The following SUCLG2 variants were observed in gnomAD, a reference collection of about 807,000 sequenced individuals.
SUCLG2 encodes succinate--CoA ligase [GDP-forming] subunit beta, mitochondrial.
In SUCLG2, 42 loss-of-function variants were observed where a neutral mutation model predicts 47.9. The observed-to-expected ratio is 0.88, with a 90% CI of 0.69 to 1.14. The LOEUF (loss-of-function observed/expected upper bound fraction) is 1.14. Among genes scored for constraint, SUCLG2 ranks in the 50% most tolerant of loss-of-function variants. The pLI is 0.00. For synonymous variants in SUCLG2, 195 were observed against 197.3 expected, an observed-to-expected ratio of 0.99 and a Z score of 0.10; for missense variants, 571 against 525.9, an observed-to-expected ratio of 1.09 and a Z score of -0.84.
At chr3:67,474,765 A>T (rs1704702210) in intron 9 of SUCLG2, among the ~76,000 whole-genome samples, 1 of 152,196 alleles carries the variant, frequency 6.6e-6, no homozygotes, top group South Asian at 2.1e-4. Flanking sequence ...ACACATGTCC[A>T]GGGCATTCAC....
At chr3:67,448,462 T>C (rs1703978393) in intron 9 of SUCLG2, among the ~76,000 whole-genome samples, 1 of 152,154 alleles carries the variant, frequency 6.6e-6, no homozygotes, top group African/African-American at 2.4e-5. Flanking sequence ...CTCAGCTCAC[T>C]GCAACCTCTG....
intron 7 of SUCLG2, among the ~76,000 whole-genome samples, chr3:67,506,084 A>G (rs138772422): frequency 2.6e-5 from 4 of 152,334 alleles, no homozygotes; most frequent in African/African-American, 9.6e-5. Context: ...CAAAGTTTCA[A>G]TGTGGAAATT....
At position 67,562,241 on chromosome 3, in the gene SUCLG2, T is replaced by C. The variant is rs144808001; in HGVS notation, c.227-33055A>G. 7.5e-3 allele frequency among the ~76,000 whole-genome samples: 1,149 copies of C among 152,236 alleles called. 8 individuals are homozygous for C. Among genetic ancestry groups the C allele is most frequent in the Non-Finnish European group, 0.011 (763 of 67,986 alleles). On this transcript the variant is annotated intron_variant, in intron 2 of 10. Transcript: ENST00000307227. Reference sequence around the variant, plus strand: ...CATTCCTTCATGTTTGCACTTTAAATATACCCTAAAAGCCCAAGTTCTCCA... The same window carrying C: ...CATTCCTTCATGTTTGCACTTTAAACATACCCTAAAAGCCCAAGTTCTCCA...
intron 9 of SUCLG2, among the ~76,000 whole-genome samples, chr3:67,472,641 C>A (rs1002535199): frequency 2.0e-5 from 3 of 152,004 alleles, no homozygotes; most frequent in Admixed American, 1.3e-4. Context: ...GATCATTTAG[C>A]AAAATGCATT....
intron 2 of SUCLG2, among the ~76,000 whole-genome samples, chr3:67,553,296 T>A (rs1707065482): frequency 6.6e-6 from 1 of 152,200 alleles, no homozygotes; most frequent in South Asian, 2.1e-4. Flanking sequence ...AGGGAATTGT[T>A]CCCTTTGTCC....
intron 2 of SUCLG2, among the ~76,000 whole-genome samples, chr3:67,597,861 C>T (rs1708329157): frequency 6.6e-6 from 1 of 151,978 alleles, no homozygotes; most frequent in African/African-American, 2.4e-5. Flanking sequence ...TCGCTTGAAC[C>T]TGGGAGGCAG....
In SUCLG2 at chr3:67,365,338, A is replaced by G. The variant is rs533215297; in HGVS notation, c.1184-4570T>C. On this transcript the variant is annotated intron_variant, in intron 10 of 10. Transcript: ENST00000493112. The stretch of plus-strand genomic sequence containing the variant: ...ACGATTTTCAAGAATAAGTCTGAGT[A>G]TGACTATGTAGGTTATGAAAGCCAC... Among the ~76,000 whole-genome samples the G allele has an allele frequency of 2.6e-5, 4 of 152,342 alleles. No individual in the cohort carries two copies. The East Asian group carries it at 5.8e-4, about 22-fold the overall frequency.
chr3:67,451,083 G>A (rs144976870), intron 9 of SUCLG2, among the ~76,000 whole-genome samples: 8 of 152,322 alleles, frequency 5.3e-5, no homozygotes, highest in African/African-American at 1.9e-4. Flanking sequence ...AGGTGACCAA[G>A]TGATAGCAGT....
chr3:67,486,426 T>C (rs1238301402), intron 9 of SUCLG2, among the ~76,000 whole-genome samples: 1 of 152,222 alleles, frequency 6.6e-6, no homozygotes, highest in East Asian at 1.9e-4. Context: ...ATACAGTCAC[T>C]AAAACCACTG....
chr3:67,654,056 T>G (rs1411653860), intron 1 of SUCLG2, among the ~76,000 whole-genome samples: 1 of 152,214 alleles, frequency 6.6e-6, no homozygotes, highest in Non-Finnish European at 1.5e-5. Context: ...GAGTTCCTAG[T>G]TGGGCTGAAA....
intron 9 of SUCLG2, among the ~76,000 whole-genome samples, chr3:67,405,063 G>A (rs1575674409): frequency 6.6e-6 from 1 of 151,048 alleles, no homozygotes; most frequent in Admixed American, 6.6e-5. Context: ...TGGGAACAGA[G>A]GCTTTTTCTA....
chr3:67,577,466 C>T (rs1319807204), intron 2 of SUCLG2, among the ~76,000 whole-genome samples: 1 of 152,104 alleles, frequency 6.6e-6, no homozygotes, highest in Non-Finnish European at 1.5e-5. Flanking sequence ...AAACGAATTG[C>T]ACTAAGTAAA....
chr3:67,531,925 A>G (rs1382611630), intron 2 of SUCLG2, among the ~76,000 whole-genome samples: 1 of 152,124 alleles, frequency 6.6e-6, no homozygotes, highest in Non-Finnish European at 1.5e-5. Flanking sequence ...CACTGTTTCT[A>G]TTTATTTAAA....
At chr3:67,572,299 A>G (rs1707634877) in intron 2 of SUCLG2, among the ~76,000 whole-genome samples, 1 of 152,222 alleles carries the variant, frequency 6.6e-6, no homozygotes. Flanking sequence ...AGCACACTGT[A>G]TATGTTAATT....
At chr3:67,430,619 C>T (rs1023643979) in intron 9 of SUCLG2, among the ~76,000 whole-genome samples, 2 of 151,886 alleles carry the variant, frequency 1.3e-5, no homozygotes, top group Admixed American at 6.6e-5. Flanking sequence ...AACTGAAGGA[C>T]ATAGAGACAC....
At chr3:67,459,018 G>A (rs1424550982) in intron 9 of SUCLG2, among the ~76,000 whole-genome samples, 2 of 152,078 alleles carry the variant, frequency 1.3e-5, no homozygotes. Context: ...ATTGTTATGT[G>A]GTCAATCAAA....
chr3:67,561,802 C>A (rs1707314549), intron 2 of SUCLG2, among the ~76,000 whole-genome samples: 1 of 152,154 alleles, frequency 6.6e-6, no homozygotes, highest in Admixed American at 6.5e-5. Flanking sequence ...TCCTAGGATT[C>A]TTTATTCCTG....
chr3:67,451,098 T>C lies in SUCLG2; in HGVS notation c.1062+44700A>G, dbSNP rs556273186. ...AGGTGACCAAGTGATAGCAGTGTCTTATAACTGAACAACTCAACACACTGT... is the reference window on the plus strand; with the variant it reads ...AGGTGACCAAGTGATAGCAGTGTCTCATAACTGAACAACTCAACACACTGT... On this transcript the variant is annotated intron_variant, in intron 9 of 10. Coordinates refer to ENST00000307227, the MANE Select transcript of SUCLG2 (RefSeq NM_003848.4). Among the ~76,000 whole-genome samples the C allele has an allele frequency of 1.8e-4, 28 of 152,362 alleles. No homozygotes were observed. The East Asian group carries it at 5.2e-3, about 28-fold the overall frequency.
At chr3:67,546,844 C>T (rs34666190) in intron 2 of SUCLG2, among the ~76,000 whole-genome samples, 18,661 of 152,056 alleles carry the variant, frequency 0.12, 1,714 homozygotes, top group East Asian at 0.44. Context: ...GAGGTTGCAG[C>T]GAGCTGAGAT....
Sources: allele counts gnomAD v4.1 joint callset (sites outside exome capture counted in the v4.1 genomes callset), GRCh38; gene constraint gnomAD v4.1.1; transcripts MANE v1.5; gene names NCBI Gene and HGNC (gene_info 2026-07-23, HGNC 2026-07-21).